The following GRID2 variants were observed in gnomAD, a reference collection of about 807,000 sequenced individuals.
GRID2 encodes the protein glutamate ionotropic receptor delta type subunit 2.
In GRID2, 33 loss-of-function variants were observed where a neutral mutation model predicts 114.8. That is an observed-to-expected ratio of 0.29 (90% CI 0.22 to 0.38). GRID2 has a LOEUF of 0.38. GRID2 is among the 10% of genes least tolerant of loss of function. GRID2 has a pLI of 1.00. For synonymous variants in GRID2, 505 were observed against 449.9 expected (o/e 1.12, Z -1.55); for missense variants, 1,184 against 1,257.7 (o/e 0.94, Z 0.89).
At chr4:93,126,983 A>C (rs1734338477) in intron 4 of GRID2, among the ~76,000 whole-genome samples, 1 of 152,148 alleles carries the variant, frequency 6.6e-6, no homozygotes, top group African/African-American at 2.4e-5. Context: ...AATAATAGCT[A>C]GCTAGCATTT....
At chr4:92,569,270 G>A (rs1042064749) in intron 1 of GRID2, among the ~76,000 whole-genome samples, 6 of 152,042 alleles carry the variant, frequency 3.9e-5, no homozygotes, top group African/African-American at 1.4e-4. Context: ...ATGGCCTCCA[G>A]CTCCATCCAT....
chr4:93,223,714 A>G (rs1374338762), intron 6 of GRID2, among the ~76,000 whole-genome samples: 2 of 152,130 alleles, frequency 1.3e-5, no homozygotes, highest in Admixed American at 6.6e-5. Flanking sequence ...CTTCAGAGGA[A>G]ATATAACATG....
chr4:93,693,419 G>A (rs1242934949), intron 14 of GRID2, among the ~76,000 whole-genome samples: 2 of 152,126 alleles, frequency 1.3e-5, no homozygotes, highest in African/African-American at 2.4e-5. Context: ...GAAGAATAAT[G>A]ACCTGAAAAC....
chr4:92,628,690 CT>C (rs1560498373), intron 2 of GRID2, among the ~76,000 whole-genome samples: 2 of 152,060 alleles, frequency 1.3e-5, no homozygotes, highest in African/African-American at 2.4e-5. Context: ...TCAGCAAATA[CT>C]TTTGTTTTCA....
chr4:92,960,267 A>G (rs1252623880), intron 2 of GRID2, among the ~76,000 whole-genome samples: 3 of 152,034 alleles, frequency 2.0e-5, no homozygotes, highest in African/African-American at 4.8e-5. Context: ...ATAGAGGTCA[A>G]TTATATTCAG....
chr4:93,172,214 T>G (rs1032035449), intron 4 of GRID2, among the ~76,000 whole-genome samples: 1 of 152,194 alleles, frequency 6.6e-6, no homozygotes, highest in African/African-American at 2.4e-5. Flanking sequence ...TCAAAGGACC[T>G]GCTAATGTCT....
chr4:93,724,682 G>T (rs1729682448), intron 14 of GRID2, among the ~76,000 whole-genome samples: 1 of 152,138 alleles, frequency 6.6e-6, no homozygotes, highest in Non-Finnish European at 1.5e-5. Context: ...AGAGAGGAAT[G>T]AGTGGGGAGA....
intron 1 of GRID2, among the ~76,000 whole-genome samples, chr4:92,557,839 A>G (rs1726931369): frequency 6.6e-6 from 1 of 152,096 alleles, no homozygotes; most frequent in Non-Finnish European, 1.5e-5. Flanking sequence ...AAGTAGCTGA[A>G]GTAAATCCAC....
At chr4:93,621,959 G>A (rs990919514) in intron 13 of GRID2, among the ~76,000 whole-genome samples, 13 of 152,154 alleles carry the variant, frequency 8.5e-5, no homozygotes, top group African/African-American at 2.9e-4. Context: ...TGACAACAAT[G>A]CTAGAAAACT....
chr4:93,654,900 A>G (rs1313782547), intron 14 of GRID2, among the ~76,000 whole-genome samples: 1 of 152,174 alleles, frequency 6.6e-6, no homozygotes, highest in African/African-American at 2.4e-5. Flanking sequence ...GAAATCTCCT[A>G]CTGAACAACA....
chr4:92,808,103 G>A (rs1162941219), intron 2 of GRID2, among the ~76,000 whole-genome samples: 1 of 151,970 alleles, frequency 6.6e-6, no homozygotes, highest in Admixed American at 6.6e-5. Flanking sequence ...AGATTTTTTG[G>A]TGCTGCAACT....
chr4:93,497,730 GCC>G (rs1374837631), intron 12 of GRID2, among the ~76,000 whole-genome samples: 9 of 151,522 alleles, frequency 5.9e-5, no homozygotes, highest in African/African-American at 2.2e-4. Context: ...CTATCCCTCT[GCC>G]GGTAACACAG....
In GRID2 at chr4:92,896,417, C is replaced by A. The variant is rs569060583; in HGVS notation, c.245-188578C>A. On this transcript the variant is annotated intron_variant, in intron 2 of 15. Coordinates refer to ENST00000282020, the MANE Select transcript of GRID2 (RefSeq NM_001510.4). ...TGTTTCGCTAATTTATTGCCTCTCA[C>A]TTTATCTCGAAAAATAAAACATTGT... 7.2e-5 allele frequency among the ~76,000 whole-genome samples: 11 copies of A among 152,234 alleles called. No individual in the cohort carries two copies. The South Asian group carries it at 2.1e-3, about 29-fold the overall frequency.
At chr4:93,374,064 T>G (rs1195510247) in intron 8 of GRID2, among the ~76,000 whole-genome samples, 1 of 152,166 alleles carries the variant, frequency 6.6e-6, no homozygotes, top group Non-Finnish European at 1.5e-5. Context: ...TATGCCACTT[T>G]CCACTTAAAT....
chr4:92,900,678 A>G (rs1193576421), intron 2 of GRID2, among the ~76,000 whole-genome samples: 1 of 151,996 alleles, frequency 6.6e-6, no homozygotes, highest in Non-Finnish European at 1.5e-5. Flanking sequence ...AAAATACAAA[A>G]AACAAATTAT....
chr4:93,759,647 A>T (rs570368253), intron 14 of GRID2, among the ~76,000 whole-genome samples: 3 of 152,312 alleles, frequency 2.0e-5, no homozygotes, highest in African/African-American at 7.2e-5. Context: ...TATTTTGAAC[A>T]CACTTCCTTG....
At chr4:92,333,241 C>T (rs1018817873) in intron 1 of GRID2, among the ~76,000 whole-genome samples, 1 of 152,220 alleles carries the variant, frequency 6.6e-6, no homozygotes, top group African/African-American at 2.4e-5. Context: ...ACACAAGCTG[C>T]AGCTGAGCCC....
intron 2 of GRID2, among the ~76,000 whole-genome samples, chr4:92,912,548 G>A (rs146755518): frequency 6.6e-6 from 1 of 151,824 alleles, no homozygotes; most frequent in East Asian, 1.9e-4. Flanking sequence ...TATAAAGAAA[G>A]TTGTTATTAT....
At chr4:93,804,605 A>G (rs1329534655) in intron 1 of GRID2, among the ~76,000 whole-genome samples, 5 of 152,242 alleles carry the variant, frequency 3.3e-5, no homozygotes, top group African/African-American at 1.2e-4. Context: ...ATGTGACTAT[A>G]TGGGACAAAT....
Sources: allele counts gnomAD v4.1 joint callset (sites outside exome capture counted in the v4.1 genomes callset), GRCh38; gene constraint gnomAD v4.1.1; transcripts MANE v1.5; gene names NCBI Gene and HGNC (gene_info 2026-07-23, HGNC 2026-07-21).